The following FERRY3 variants were observed in gnomAD, a reference collection of about 807,000 sequenced individuals.
FERRY3 encodes FERRY endosomal RAB5 effector complex subunit 3.
the FERRY3 span, chr12:4,534,107 AC>A: frequency 2.7e-6 from 4 of 1,509,102 alleles, no homozygotes; most frequent in South Asian, 5.3e-5. Flanking sequence ...AAAAATTTTC[AC>A]CAAAATCCAG....
chr12:4,523,179 ATAT>A, the FERRY3 span, among the ~76,000 whole-genome samples: 1 of 152,236 alleles, frequency 6.6e-6, no homozygotes, highest in Non-Finnish European at 1.5e-5. Context: ...AGGGTTCCAT[ATAT>A]AGTTGTGTTG....
chr12:4,534,126 T>G, the FERRY3 span: 1 of 1,527,054 alleles, frequency 6.5e-7, no homozygotes, highest in Non-Finnish European at 8.8e-7. Flanking sequence ...CAGAATATCC[T>G]TGAAATTTAC....
the FERRY3 span, among the ~76,000 whole-genome samples, chr12:4,501,818 C>A: frequency 0.012 from 1,789 of 152,124 alleles, 40 homozygotes; most frequent in African/African-American, 0.04. Flanking sequence ...TCAAACCTCC[C>A]CAACCCCCGG....
the FERRY3 span, among the ~76,000 whole-genome samples, chr12:4,522,081 A>G: frequency 0.012 from 1,799 of 152,352 alleles, 39 homozygotes; most frequent in African/African-American, 0.041. Flanking sequence ...TATGATGTCA[A>G]TATATGTTCT....
the FERRY3 span, among the ~76,000 whole-genome samples, chr12:4,512,192 A>G: frequency 7.2e-6 from 1 of 139,058 alleles, no homozygotes; most frequent in Non-Finnish European, 1.5e-5. Flanking sequence ...TAAACCAGGA[A>G]GAAGTTGAAT....
At chr12:4,522,068 G>T in the FERRY3 span, among the ~76,000 whole-genome samples, 1 of 152,146 alleles carries the variant, frequency 6.6e-6, no homozygotes, top group Non-Finnish European at 1.5e-5. Context: ...GACTTTGAAT[G>T]ATTATGATGT....
At chr12:4,510,925 A>G in the FERRY3 span, among the ~76,000 whole-genome samples, 1 of 152,300 alleles carries the variant, frequency 6.6e-6, no homozygotes, top group South Asian at 2.1e-4. Context: ...AAATTCTCCA[A>G]TTAAAAGACA....
the FERRY3 span, chr12:4,525,174 A>G: frequency 6.7e-7 from 1 of 1,497,014 alleles, no homozygotes; most frequent in South Asian, 1.3e-5. Flanking sequence ...ACATACAGCT[A>G]AAAGGTTTAA....
chr12:4,489,824 G>A, the FERRY3 span: 13 of 1,605,928 alleles, frequency 8.1e-6, no homozygotes, highest in East Asian at 2.5e-4. Context: ...TTGGATGTCA[G>A]AGTGAGTGTT....
the FERRY3 span, chr12:4,519,010 C>G: frequency 1.9e-6 from 1 of 532,066 alleles, no homozygotes. The surrounding 1 kb of genome is among the most constrained non-coding windows in gnomAD (Gnocchi z 4.3). Flanking sequence ...CATCCTTAAT[C>G]CATGGTGACA....
chr12:4,530,070 C>T, the FERRY3 span: 5 of 1,586,322 alleles, frequency 3.2e-6, no homozygotes, highest in Non-Finnish European at 3.4e-6. Context: ...AATATACAGA[C>T]AATCTTAAAT....
chr12:4,525,202 A>G, the FERRY3 span: 21 of 1,564,682 alleles, frequency 1.3e-5, no homozygotes, highest in Non-Finnish European at 1.7e-5. Flanking sequence ...GTAAATATAA[A>G]CATTACTAAC....
chr12:4,528,543 A>C, the FERRY3 span, among the ~76,000 whole-genome samples: 2 of 152,140 alleles, frequency 1.3e-5, no homozygotes, highest in Non-Finnish European at 2.9e-5. Context: ...ACCTATAAAC[A>C]GTGACAAATA....
chr12:4,513,377 G>A, the FERRY3 span, among the ~76,000 whole-genome samples: 3 of 152,066 alleles, frequency 2.0e-5, no homozygotes, highest in Non-Finnish European at 4.4e-5. Context: ...TTTCTTCACA[G>A]AATTGGAAAA....
the FERRY3 span, chr12:4,505,190 T>TG: frequency 1.5e-6 from 1 of 688,100 alleles, no homozygotes; most frequent in South Asian, 1.6e-5. Flanking sequence ...TGTTTCAAAG[T>TG]GATATAATGA....
the FERRY3 span, among the ~76,000 whole-genome samples, chr12:4,532,833 C>T: frequency 6.6e-6 from 1 of 152,178 alleles, no homozygotes; most frequent in Non-Finnish European, 1.5e-5. Context: ...ACTCCCTTGA[C>T]TGATGTACCT....
At chr12:4,529,967 A>G in the FERRY3 span, 30 of 1,613,580 alleles carry the variant, frequency 1.9e-5, no homozygotes, top group Admixed American at 4.7e-4. Flanking sequence ...TTTCAGAGGC[A>G]GGAGAATGAA....
chr12:4,518,976 T>TTAGAAGAAAGTTTTA, the FERRY3 span: 1 of 760,030 alleles, frequency 1.3e-6, no homozygotes, highest in Non-Finnish European at 2.0e-6. Flanking sequence ...CAGCTGAAAG[T>TTAGAAGAAAGTTTTA]CTTGCTTAAT....
the FERRY3 span, among the ~76,000 whole-genome samples, chr12:4,528,429 C>T: frequency 2.0e-5 from 3 of 151,974 alleles, no homozygotes; most frequent in Admixed American, 6.5e-5. Flanking sequence ...TTTTGTCTTC[C>T]CCAGGGAAAT....
Sources: allele counts gnomAD v4.1 joint callset (sites outside exome capture counted in the v4.1 genomes callset), GRCh38; gene constraint gnomAD v4.1.1; non-coding constraint Gnocchi (gnomAD v3.1); transcripts MANE v1.5; gene names NCBI Gene and HGNC (gene_info 2026-07-23, HGNC 2026-07-21).